PTPRD: variants seen among roughly 807,000 people sequenced by gnomAD.
PTPRD encodes the protein receptor-type tyrosine-protein phosphatase delta.
In PTPRD, 34 loss-of-function variants were observed where a neutral mutation model predicts 214.5. The observed-to-expected ratio is 0.16, with a 90% CI of 0.12 to 0.21. The LOEUF (loss-of-function observed/expected upper bound fraction) is 0.21. Ranked by LOEUF, PTPRD falls within the 10% of genes least tolerant of loss-of-function variation. PTPRD has a pLI of 1.00. For missense variants in PTPRD, 2,545 were observed against 2,398.7 expected (o/e 1.06, Z -1.27); for synonymous variants, 1,128 against 845.7 (o/e 1.33, Z -5.79).
chr9:10,590,072 G>T (rs1347437567), intron 2 of PTPRD, among the ~76,000 whole-genome samples: 1 of 151,924 alleles, frequency 6.6e-6, no homozygotes, highest in Admixed American at 6.6e-5. Context: ...ATGTCAATGA[G>T]GTGAAAACAG....
chr9:10,208,375 G>C (rs10958946), intron 3 of PTPRD, among the ~76,000 whole-genome samples: 1 of 152,042 alleles, frequency 6.6e-6, no homozygotes, highest in South Asian at 2.1e-4. Context: ...TTAGCCGGGC[G>C]TGGTGGCGGG....
intron 3 of PTPRD, among the ~76,000 whole-genome samples, chr9:10,191,056 G>A (rs1329742919): frequency 6.6e-6 from 1 of 152,014 alleles, no homozygotes; most frequent in African/African-American, 2.4e-5. Context: ...TTGGATGCCA[G>A]TAATTACAAA....
chr9:8,584,067 T>C (rs1453081831), intron 14 of PTPRD, among the ~76,000 whole-genome samples: 5 of 152,126 alleles, frequency 3.3e-5, no homozygotes, highest in African/African-American at 1.2e-4. Context: ...CACAGGAGGA[T>C]CACCTGAGCC....
chr9:8,985,728 A>G (rs1445963099), intron 11 of PTPRD, among the ~76,000 whole-genome samples: 2 of 151,888 alleles, frequency 1.3e-5, no homozygotes, highest in African/African-American at 2.4e-5. Flanking sequence ...CGTCTATGAG[A>G]AGTTATATAT....
intron 4 of PTPRD, among the ~76,000 whole-genome samples, chr9:9,967,320 T>C (rs981307697): frequency 7.2e-5 from 11 of 152,112 alleles, no homozygotes; most frequent in Non-Finnish European, 1.5e-4. Flanking sequence ...GACAAATTTG[T>C]AGAAATAAAG....
intron 5 of PTPRD, among the ~76,000 whole-genome samples, chr9:9,808,177 A>G (rs555168357): frequency 2.0e-5 from 3 of 152,178 alleles, no homozygotes; most frequent in Non-Finnish European, 4.4e-5. Context: ...CTTCATAACT[A>G]TTATGTTTTA....
intron 2 of PTPRD, among the ~76,000 whole-genome samples, chr9:10,383,578 T>G (rs1209105570): frequency 6.6e-6 from 1 of 151,680 alleles, no homozygotes; most frequent in East Asian, 1.9e-4. Flanking sequence ...ACTTTTCTTT[T>G]TTTAATTTCA....
At chr9:9,004,087 C>G (rs954010071) in intron 11 of PTPRD, among the ~76,000 whole-genome samples, 5 of 152,026 alleles carry the variant, frequency 3.3e-5, no homozygotes, top group African/African-American at 9.7e-5. Context: ...CTCACAGACT[C>G]TAACCCCTTA....
chr9:9,038,315 G>A (rs1044928454), intron 10 of PTPRD, among the ~76,000 whole-genome samples: 5 of 152,100 alleles, frequency 3.3e-5, no homozygotes, highest in African/African-American at 1.2e-4. Flanking sequence ...GGTCTAGGCT[G>A]GCTGGTCCAT....
intron 26 of PTPRD, among the ~76,000 whole-genome samples, chr9:8,494,656 CTT>C (rs1470502308): frequency 6.6e-6 from 1 of 152,146 alleles, no homozygotes; most frequent in African/African-American, 2.4e-5. Flanking sequence ...CACTCTGAGA[CTT>C]ATATGTTTCT....
intron 11 of PTPRD, among the ~76,000 whole-genome samples, chr9:8,931,719 G>A (rs2098953934): frequency 6.6e-6 from 1 of 152,170 alleles, no homozygotes; most frequent in South Asian, 2.1e-4. Flanking sequence ...CTATTGTTTG[G>A]AGTAGTTTCA....
chr9:10,462,750 T>C (rs2098967982), intron 2 of PTPRD, among the ~76,000 whole-genome samples: 1 of 151,648 alleles, frequency 6.6e-6, no homozygotes, highest in Non-Finnish European at 1.5e-5. Flanking sequence ...AAAAAAATAC[T>C]GCATTTCACA....
At chr9:9,039,745 G>A (rs998043383) in intron 10 of PTPRD, among the ~76,000 whole-genome samples, 2 of 152,168 alleles carry the variant, frequency 1.3e-5, no homozygotes, top group Admixed American at 6.5e-5. Context: ...GTTTATTCCT[G>A]AGAATATTTT....
At chr9:8,952,294 T>C (rs982676679) in intron 11 of PTPRD, among the ~76,000 whole-genome samples, 1 of 151,978 alleles carries the variant, frequency 6.6e-6, no homozygotes, top group African/African-American at 2.4e-5. Flanking sequence ...CTCATGGACC[T>C]TGGAACACAC....
chr9:9,710,580 C>A (rs764608095), intron 7 of PTPRD, among the ~76,000 whole-genome samples: 2 of 151,542 alleles, frequency 1.3e-5, no homozygotes, highest in African/African-American at 2.4e-5. Context: ...TGACTCCATG[C>A]AAAGATTTAA....
chr9:9,742,208 G>A (rs1380077283), intron 6 of PTPRD, among the ~76,000 whole-genome samples: 1 of 152,134 alleles, frequency 6.6e-6, no homozygotes, highest in East Asian at 1.9e-4. Flanking sequence ...CTTCTTTTGA[G>A]AAGTGTCTGT....
intron 11 of PTPRD, among the ~76,000 whole-genome samples, chr9:8,899,997 A>T (rs2098654180): frequency 6.6e-6 from 1 of 152,170 alleles, no homozygotes; most frequent in Admixed American, 6.5e-5. Flanking sequence ...TCTTTTTGAG[A>T]TCATTTTTCT....
intron 30 of PTPRD, among the ~76,000 whole-genome samples, chr9:8,479,836 T>A (rs750399502): frequency 4.6e-5 from 7 of 152,242 alleles, no homozygotes; most frequent in Non-Finnish European, 8.8e-5. Context: ...CATGTTTTTT[T>A]AATGGAATGA....
chr9:9,287,338 C>T (rs1442959410), intron 9 of PTPRD, among the ~76,000 whole-genome samples: 8 of 151,758 alleles, frequency 5.3e-5, no homozygotes, highest in Non-Finnish European at 4.4e-5. Flanking sequence ...TTCATCGTCA[C>T]CTTTTTCTCC....
Sources: allele counts gnomAD v4.1 joint callset (sites outside exome capture counted in the v4.1 genomes callset), GRCh38; gene constraint gnomAD v4.1.1; transcripts MANE v1.5; gene names NCBI Gene and HGNC (gene_info 2026-07-23, HGNC 2026-07-21).